The following FAM117B variants were observed in gnomAD, a reference collection of about 807,000 sequenced individuals.
The protein encoded by FAM117B is protein FAM117B.
FAM117B carries 22 observed loss-of-function variants against 52.8 expected under a neutral mutation model. That is an observed-to-expected ratio of 0.42 (90% CI 0.30 to 0.59). FAM117B has a LOEUF of 0.59. Ranked by LOEUF, FAM117B falls within the 20% of genes least tolerant of loss-of-function variation. The pLI, the probability that FAM117B is intolerant of heterozygous loss-of-function variation, is 0.22. For missense variants in FAM117B, 678 were observed against 802.6 expected (o/e 0.84, Z 1.88); for synonymous variants, 309 against 324.1 (o/e 0.95, Z 0.50).
intron 1 of FAM117B, among the ~76,000 whole-genome samples, chr2:202,663,108 C>G (rs1172462504): frequency 3.3e-5 from 5 of 152,220 alleles, no homozygotes; most frequent in African/African-American, 1.2e-4. Context: ...GCAACAATTT[C>G]CATATCAATA....
At chr2:202,742,575 T>C (rs1691560323) in intron 4 of FAM117B, among the ~76,000 whole-genome samples, 1 of 152,160 alleles carries the variant, frequency 6.6e-6, no homozygotes, top group African/African-American at 2.4e-5. Flanking sequence ...ACCATGTAAG[T>C]ATTAGAAGAC....
At chr2:202,640,350 T>A (rs1689753422) in intron 1 of FAM117B, among the ~76,000 whole-genome samples, 1 of 94,066 alleles carries the variant, frequency 1.1e-5, no homozygotes, top group Non-Finnish European at 2.1e-5. Flanking sequence ...ATATGGCAAG[T>A]CGTGTTCTTG....
intron 4 of FAM117B, among the ~76,000 whole-genome samples, chr2:202,751,631 G>A (rs1691723047): frequency 6.6e-6 from 1 of 152,030 alleles, no homozygotes; most frequent in East Asian, 1.9e-4. Flanking sequence ...ATTTAGCTGG[G>A]CGTTGTCGCG....
At chr2:202,650,232 A>T (rs536486589) in intron 1 of FAM117B, among the ~76,000 whole-genome samples, 73 of 152,356 alleles carry the variant, frequency 4.8e-4, no homozygotes, top group African/African-American at 1.7e-3. Context: ...AAGAATTGAT[A>T]GGATTTGTTA....
Position 202,637,380 on chromosome 2 carries a change from C to G in FAM117B, c.601+1592C>G, listed in dbSNP as rs565672282. 6.1e-4 allele frequency among the ~76,000 whole-genome samples: 93 copies of G among 152,068 alleles called. 1 individual carries two copies. The highest frequency in any genetic ancestry group is 5.4e-3 in the East Asian group (28 of 5,158). ...TCAAGCGATTCTCCTATCTCAGCCTCCCGAGTAGCTGGGATTACAGGCACC... is the reference window on the plus strand; with the variant it reads ...TCAAGCGATTCTCCTATCTCAGCCTGCCGAGTAGCTGGGATTACAGGCACC... On this transcript the variant is annotated intron_variant, in intron 1 of 7. Coordinates refer to ENST00000392238, the MANE Select transcript of FAM117B (RefSeq NM_173511.4).
intron 4 of FAM117B, among the ~76,000 whole-genome samples, chr2:202,742,198 A>G (rs1232500229): frequency 6.6e-6 from 1 of 152,218 alleles, no homozygotes; most frequent in Non-Finnish European, 1.5e-5. Flanking sequence ...AGAACTTGCT[A>G]CGTAAAGCTC....
chr2:202,757,797 A>G (rs1691826464), intron 6 of FAM117B, among the ~76,000 whole-genome samples: 1 of 152,244 alleles, frequency 6.6e-6, no homozygotes, highest in African/African-American at 2.4e-5. Context: ...TGCTTTTTAA[A>G]TCAATACAAA....
intron 4 of FAM117B, among the ~76,000 whole-genome samples, chr2:202,754,270 C>T (rs951332713): frequency 1.3e-5 from 2 of 152,112 alleles, no homozygotes; most frequent in Admixed American, 6.5e-5. Flanking sequence ...CAAACTAACA[C>T]AAGAACAGAA....
intron 1 of FAM117B, among the ~76,000 whole-genome samples, chr2:202,652,797 A>G (rs564019913): frequency 1.3e-5 from 2 of 152,286 alleles, no homozygotes; most frequent in African/African-American, 2.4e-5. Flanking sequence ...TTATATCTCA[A>G]TTGTATAGGG....
intron 2 of FAM117B, among the ~76,000 whole-genome samples, chr2:202,722,062 G>T (rs906825162): frequency 8.3e-5 from 12 of 145,318 alleles, no homozygotes; most frequent in Admixed American, 2.1e-4. Flanking sequence ...CCGGGCTAGA[G>T]TGCAGTGGCG....
At chr2:202,645,433 G>A (rs1224001796) in intron 1 of FAM117B, among the ~76,000 whole-genome samples, 1 of 151,088 alleles carries the variant, frequency 6.6e-6, no homozygotes, top group East Asian at 2.0e-4. Context: ...GGGACTACAG[G>A]CGCCCGCCAC....
At chr2:202,711,856 T>C (rs574063518) in intron 2 of FAM117B, among the ~76,000 whole-genome samples, 20 of 152,280 alleles carry the variant, frequency 1.3e-4, no homozygotes, top group South Asian at 4.1e-4. Context: ...TCACTGTAGA[T>C]GTATGGATTT....
In FAM117B at chr2:202,757,383, T is replaced by C. The variant is rs115217386; in HGVS notation, c.1275T>C (p.Gly425=). The C allele has an allele frequency of 2.0e-4, 320 of 1,614,058 alleles. No individual in the cohort carries two copies. The African/African-American group carries it at 3.9e-3, about 20-fold the overall frequency. The change falls in exon 6 of 8, where the codon GGT becomes GGC. Residue 425 remains glycine (G), a synonymous_variant. Transcript: ENST00000392238. ...CGTTCCTCACCATTTCCAATGAAGG[T>C]AGCGAGGAGAGTCCTTGCTCAGCGG... The part of the protein sequence containing the change: ...PTSFLTISNE[G]SEESPCSADD...
intron 2 of FAM117B, among the ~76,000 whole-genome samples, chr2:202,704,753 G>A (rs1040144932): frequency 2.0e-5 from 3 of 151,532 alleles, no homozygotes; most frequent in Non-Finnish European, 4.4e-5. Flanking sequence ...CACCATGCCC[G>A]GCTAATATAT....
chr2:202,680,843 G>A (rs572866740), intron 1 of FAM117B, among the ~76,000 whole-genome samples: 2 of 152,260 alleles, frequency 1.3e-5, no homozygotes, highest in East Asian at 3.9e-4. Flanking sequence ...AGTTCTTCAG[G>A]TGGAAGGAAA....
At chr2:202,697,860 TTTTTTA>T (rs1225207244) in intron 2 of FAM117B, among the ~76,000 whole-genome samples, 6 of 151,412 alleles carry the variant, frequency 4.0e-5, no homozygotes, top group Non-Finnish European at 7.4e-5. Flanking sequence ...CGAGATAATG[TTTTTTA>T]TTTTTATTTT....
At chr2:202,648,390 G>A (rs1280886805) in intron 1 of FAM117B, among the ~76,000 whole-genome samples, 3 of 151,874 alleles carry the variant, frequency 2.0e-5, no homozygotes, top group African/African-American at 4.8e-5. Flanking sequence ...GTCGGTGTGC[G>A]CCTGTAGTCC....
At chr2:202,647,210 A>G (rs1318353887) in intron 1 of FAM117B, among the ~76,000 whole-genome samples, 1 of 152,166 alleles carries the variant, frequency 6.6e-6, no homozygotes, top group African/African-American at 2.4e-5. Flanking sequence ...AAAAGCTACT[A>G]AAACCATAAA....
intron 1 of FAM117B, among the ~76,000 whole-genome samples, chr2:202,679,003 T>G (rs1690423777): frequency 6.6e-6 from 1 of 152,176 alleles, no homozygotes; most frequent in Non-Finnish European, 1.5e-5. Context: ...CTTTTTCCTC[T>G]CTATCTGCCT....
Sources: gnomAD v4.1 joint callset for allele counts (sites outside exome capture counted in the v4.1 genomes callset) on GRCh38, gnomAD v4.1.1 for gene constraint, MANE v1.5 for transcripts, NCBI Gene and HGNC (gene_info 2026-07-23, HGNC 2026-07-21) for gene names.